Variants in TNFRSF8 observed in about 807,000 individuals in gnomAD.
TNFRSF8 encodes TNF receptor superfamily member 8, also known as tumor necrosis factor receptor superfamily member 8.
In TNFRSF8, 26 loss-of-function variants were observed where a neutral mutation model predicts 70.8. The ratio of observed to expected loss-of-function variants is 0.37; its 90% CI spans 0.27 to 0.51. The LOEUF (loss-of-function observed/expected upper bound fraction) is 0.51, where lower values mean the gene tolerates loss of function less well. Among genes scored for constraint, TNFRSF8 ranks in the 20% least tolerant of loss-of-function variants. The pLI, the probability that TNFRSF8 is intolerant of heterozygous loss-of-function variation, is 0.94. For synonymous variants in TNFRSF8, 356 were observed against 339.2 expected, an observed-to-expected ratio of 1.05 and a Z score of -0.54; for missense variants, 720 against 807.9, an observed-to-expected ratio of 0.89 and a Z score of 1.32.
chr1:12,123,676 C>G (rs1345855796), intron 9 of TNFRSF8, 39 bp from the exon 10 acceptor site: 3 of 1,501,986 alleles, frequency 2.0e-6, no homozygotes, highest in South Asian at 2.4e-5. Context: ...CTTCCCTCTT[C>G]CCATCTTCAT....
At chr1:12,089,083 C>T (rs1177467020) in intron 2 of TNFRSF8, among the ~76,000 whole-genome samples, 2 of 152,014 alleles carry the variant, frequency 1.3e-5, no homozygotes, top group African/African-American at 2.4e-5. Context: ...GGCCACAGAG[C>T]GAGATTCTAT....
At chr1:12,078,235 G>A (rs1421262086) in intron 1 of TNFRSF8, among the ~76,000 whole-genome samples, 3 of 152,108 alleles carry the variant, frequency 2.0e-5, no homozygotes, top group Non-Finnish European at 4.4e-5. Flanking sequence ...ACTAGTGATA[G>A]GTTGGGGGCC....
At chr1:12,139,972 A>G (rs959077709) in intron 14 of TNFRSF8, among the ~76,000 whole-genome samples, 2 of 152,236 alleles carry the variant, frequency 1.3e-5, no homozygotes, top group Non-Finnish European at 2.9e-5. Flanking sequence ...AGCTTTTGAA[A>G]TGGTAGCTTT....
intron 1 of TNFRSF8, among the ~76,000 whole-genome samples, chr1:12,067,956 G>C (rs945763549): frequency 1.1e-4 from 16 of 151,890 alleles, no homozygotes; most frequent in African/African-American, 3.9e-4. Context: ...GGAGGGTCTG[G>C]CTTGTCTTAA....
rs890555275 is a variant in TNFRSF8, at chr1:12,112,857, T to A, written c.793+843T>A. ...TCAGGCCACAGGCTGCTGTGACTGT[T>A]AGAGGCCCTGGCTATTCACGGAGGC... is the stretch of plus-strand genomic sequence containing the variant. On this transcript the variant is annotated intron_variant, in intron 7 of 14. Transcript: ENST00000263932. This position sits in a 1 kb window ranked among gnomAD's most constrained non-coding sequence, Gnocchi z 5.3. Among the ~76,000 whole-genome samples the A allele has an allele frequency of 1.3e-5, 2 of 152,172 alleles. No homozygotes were observed. The highest frequency in any genetic ancestry group is 6.5e-5 in the Admixed American group (1 of 15,270).
rs1642203082 is a variant in TNFRSF8, at chr1:12,138,855, C to T, written c.1543+419C>T. Among the ~76,000 whole-genome samples the T allele has an allele frequency of 6.8e-6, 1 of 146,824 alleles. No individual in the cohort carries two copies. ...GGATGGTGTCTTTCTCCCCATTTTA[C>T]AGTTGGGGAGACCGTGGCTCAGAGG... On this transcript the variant is annotated intron_variant, in intron 14 of 14. Coordinates refer to ENST00000263932, the MANE Select transcript of TNFRSF8 (RefSeq NM_001243.5). The surrounding 1 kb of genome is among the most constrained non-coding windows in gnomAD (Gnocchi z 5.7).
At chr1:12,073,721 G>C (rs1275624707) in intron 1 of TNFRSF8, among the ~76,000 whole-genome samples, 2 of 151,474 alleles carry the variant, frequency 1.3e-5, no homozygotes, top group Admixed American at 6.6e-5. Flanking sequence ...AGGATCCCGA[G>C]TAGCTGGGAT....
In TNFRSF8 at chr1:12,122,345, T is replaced by G. The variant is rs560037444; in HGVS notation, c.947-939T>G. On this transcript the variant is annotated intron_variant, in intron 8 of 14. Coordinates refer to ENST00000263932, the MANE Select transcript of TNFRSF8 (RefSeq NM_001243.5). ...CCTACCCTGCCAGGGGATACTTTCT[T>G]GTATATAAATGTTGCCTTAGGCTGG... Among the ~76,000 whole-genome samples, 6 of 151,998 alleles carry G rather than the reference T, an allele frequency of 3.9e-5. No homozygotes were observed. In the South Asian group the frequency reaches 1.0e-3, roughly 26 times the overall value.
At position 12,074,330 on chromosome 1, in the gene TNFRSF8, A is replaced by T. The variant is rs530079094; in HGVS notation, c.64-10134A>T. ...AATCTCACTCTGTCACCCAGGCTGGAGTGCACTGATGTGATCTTGGCTCAC... is the reference window on the plus strand; with the variant it reads ...AATCTCACTCTGTCACCCAGGCTGGTGTGCACTGATGTGATCTTGGCTCAC... On this transcript the variant is annotated intron_variant, in intron 1 of 14. Coordinates refer to ENST00000263932, the MANE Select transcript of TNFRSF8 (RefSeq NM_001243.5). Among the ~76,000 whole-genome samples the T allele has an allele frequency of 2.0e-5, 3 of 150,368 alleles. No individual in the cohort carries two copies. In the East Asian group the frequency reaches 5.9e-4, roughly 29 times the overall value.
At chr1:12,125,389 G>A (rs946983973) in intron 10 of TNFRSF8, among the ~76,000 whole-genome samples, 18 of 152,286 alleles carry the variant, frequency 1.2e-4, no homozygotes, top group African/African-American at 3.6e-4. Flanking sequence ...GAACTTTCGT[G>A]AGCCTCAGCT....
intron 2 of TNFRSF8, among the ~76,000 whole-genome samples, chr1:12,094,660 C>CT (rs1641300890): frequency 7.1e-6 from 1 of 141,584 alleles, no homozygotes; most frequent in Admixed American, 7.4e-5. Context: ...GAGTCTCACT[C>CT]TATCGCCCAG....
intron 1 of TNFRSF8, chr1:12,078,037 A>G (rs1015914347): frequency 6.6e-6 from 1 of 152,240 alleles, no homozygotes; most frequent in Non-Finnish European, 1.5e-5. Flanking sequence ...AGGGTCTTCA[A>G]TAGGATGGAG....
intron 8 of TNFRSF8, among the ~76,000 whole-genome samples, chr1:12,118,350 A>T (rs1283883157): frequency 6.6e-6 from 1 of 152,120 alleles, no homozygotes; most frequent in Non-Finnish European, 1.5e-5. Flanking sequence ...ACCCCAGGTG[A>T]TCTGCCTGCC....
At chr1:12,092,267 C>T (rs1027399998) in intron 2 of TNFRSF8, among the ~76,000 whole-genome samples, 2 of 152,064 alleles carry the variant, frequency 1.3e-5, no homozygotes, top group African/African-American at 2.4e-5. Flanking sequence ...CAACCTCTAA[C>T]TCCTGGGCTG....
Position 12,111,960 on chromosome 1 carries a change from G to A in TNFRSF8, c.739G>A (p.Asp247Asn), listed in dbSNP as rs548914161. 21 of 1,614,198 alleles carry A rather than the reference G, an allele frequency of 1.3e-5. No homozygotes were observed. Among genetic ancestry groups the A allele is most frequent in the Non-Finnish European group, 1.7e-5 (20 of 1,180,024 alleles). ...TGATTGCAGAAAGCAGTGTGAGCCC[G>A]ACTACTACCTGGACGAGGCCGGCCG... ...SGDCRKQCEPDYYLDEAGRCT... is the reference protein window; with the variant it reads ...SGDCRKQCEPNYYLDEAGRCT... Residue 247 changes from aspartate to asparagine, a missense_variant, in exon 7 of 15, where the codon GAC becomes AAC. Coordinates refer to ENST00000263932, the MANE Select transcript of TNFRSF8 (RefSeq NM_001243.5).
At chr1:12,103,966 C>T (rs918708423) in intron 3 of TNFRSF8, among the ~76,000 whole-genome samples, 2 of 152,184 alleles carry the variant, frequency 1.3e-5, no homozygotes, top group Non-Finnish European at 2.9e-5. Flanking sequence ...CCACCATCAC[C>T]GTGGCATCCA....
chr1:12,134,548 G>A (rs955507412), intron 12 of TNFRSF8, among the ~76,000 whole-genome samples: 3 of 152,186 alleles, frequency 2.0e-5, no homozygotes, highest in Non-Finnish European at 2.9e-5. Flanking sequence ...GAAGATAGAG[G>A]TTGTGCGTTG....
intron 8 of TNFRSF8, among the ~76,000 whole-genome samples, chr1:12,122,700 A>G (rs939034248): frequency 6.6e-6 from 1 of 152,174 alleles, no homozygotes; most frequent in African/African-American, 2.4e-5. Context: ...GATTTAAAAG[A>G]AAAAAACTTT....
chr1:12,108,090 T>A lies in TNFRSF8; in HGVS notation c.422-1476T>A, dbSNP rs111599548. Among the ~76,000 whole-genome samples the A allele has an allele frequency of 2.2e-3, 334 of 151,502 alleles. 4 individuals carry two copies. Among genetic ancestry groups the A allele is most frequent in the South Asian group, 4.0e-3 (19 of 4,758 alleles). On this transcript the variant is annotated intron_variant, in intron 4 of 14. Coordinates refer to ENST00000263932, the MANE Select transcript of TNFRSF8 (RefSeq NM_001243.5). This position sits in a 1 kb window ranked among gnomAD's most constrained non-coding sequence, Gnocchi z 4.0. The stretch of plus-strand genomic sequence containing the variant: ...CAGGCCACCATTTTTTTATTTTTTT[T>A]TTTTTTGTGATGGAGCCTCGATCTG...
Sources: allele counts gnomAD v4.1 joint callset (sites outside exome capture counted in the v4.1 genomes callset), GRCh38; gene constraint gnomAD v4.1.1; non-coding constraint Gnocchi (gnomAD v3.1); transcripts MANE v1.5; gene names NCBI Gene and HGNC (gene_info 2026-07-23, HGNC 2026-07-21).